ANK1: variants seen among roughly 807,000 people sequenced by gnomAD.
The protein encoded by ANK1 is ankyrin-1.
Under a neutral mutation model 210.4 loss-of-function variants are expected in ANK1, and 51 were observed. The observed-to-expected ratio is 0.24, with a 90% CI of 0.19 to 0.31. The LOEUF (loss-of-function observed/expected upper bound fraction) is 0.31, where lower values mean the gene tolerates loss of function less well. Among genes scored for constraint, ANK1 ranks in the 10% least tolerant of loss-of-function variants. The pLI, the probability that ANK1 is intolerant of heterozygous loss-of-function variation, is 1.00. For synonymous variants in ANK1, 967 were observed against 1,025.9 expected (o/e 0.94, Z 1.10); for missense variants, 2,051 against 2,504.4 (o/e 0.82, Z 3.86).
chr8:41,717,108 C>A, intron 12 of ANK1, 57 bp from the exon 13 acceptor site: 3 of 1,586,010 alleles, frequency 1.9e-6, no homozygotes, highest in Non-Finnish European at 2.6e-6. Flanking sequence ...CAAAACGGCA[C>A]ACACAGAGCT....
intron 9 of ANK1, among the ~76,000 whole-genome samples, chr8:41,721,408 G>A (rs1272761539): frequency 2.0e-5 from 3 of 152,092 alleles, no homozygotes; most frequent in Non-Finnish European, 2.9e-5. Context: ...TGTAATTCCC[G>A]CACTTTGGGA....
intron 2 of ANK1, among the ~76,000 whole-genome samples, chr8:41,757,413 T>A (rs775801470): frequency 4.6e-5 from 7 of 152,054 alleles, no homozygotes; most frequent in Non-Finnish European, 8.8e-5. Flanking sequence ...CCTCTCTATT[T>A]AGTTAGTTCC....
At chr8:41,703,944 C>T (rs2150611677) in intron 20 of ANK1, 97 bp downstream of exon 20, 1 of 1,195,720 alleles carries the variant, frequency 8.4e-7, no homozygotes, top group South Asian at 1.2e-5. Flanking sequence ...CGTCCAGGCC[C>T]TAGACACGTG....
intron 1 of ANK1, chr8:41,828,209 A>T (rs1012438449): frequency 1.6e-4 from 25 of 152,398 alleles, no homozygotes; most frequent in African/African-American, 6.0e-4. Flanking sequence ...TGCGAGCTAG[A>T]GGAGGAAGCA....
At chr8:41,769,436 T>C (rs489429) in intron 1 of ANK1, among the ~76,000 whole-genome samples, 14,872 of 152,236 alleles carry the variant, frequency 0.098, 1,004 homozygotes, top group Middle Eastern at 0.15. Context: ...TACTGGAACA[T>C]CCCTGATCAC....
chr8:41,892,888 T>C (rs1016279674), intron 1 of ANK1, among the ~76,000 whole-genome samples: 2 of 152,144 alleles, frequency 1.3e-5, no homozygotes, highest in Non-Finnish European at 2.9e-5. Flanking sequence ...GAATAGGACA[T>C]GGTCTTTTCT....
At chr8:41,855,020 C>T (rs182609463) in intron 1 of ANK1, among the ~76,000 whole-genome samples, 1 of 151,934 alleles carries the variant, frequency 6.6e-6, no homozygotes, top group Non-Finnish European at 1.5e-5. Context: ...ATCTGCATTT[C>T]CCAAGATTCC....
At chr8:41,823,604 A>G (rs1009563366) in intron 1 of ANK1, among the ~76,000 whole-genome samples, 4 of 147,260 alleles carry the variant, frequency 2.7e-5, no homozygotes, top group African/African-American at 5.0e-5. Context: ...ACAAAAACTG[A>G]AAAAAAAAAA....
intron 1 of ANK1, among the ~76,000 whole-genome samples, chr8:41,795,573 G>A (rs977768429): frequency 4.0e-5 from 6 of 151,850 alleles, no homozygotes; most frequent in African/African-American, 1.5e-4. Flanking sequence ...CTTGAGCCAC[G>A]AAAAAGAATG....
chr8:41,727,866 T>A (rs2304872), intron 4 of ANK1, 42 bp downstream of exon 4: 1 of 1,600,380 alleles, frequency 6.2e-7, no homozygotes, highest in Non-Finnish European at 8.6e-7. Context: ...GAACCACCTG[T>A]GGAAAGGCAA....
chr8:41,864,736 C>T (rs556697807), intron 1 of ANK1, among the ~76,000 whole-genome samples: 42 of 152,284 alleles, frequency 2.8e-4, no homozygotes, highest in South Asian at 1.9e-3. Context: ...CCAACCTAAC[C>T]GTCGTCACTC....
Position 41,674,683 on chromosome 8 carries a change from T to C in ANK1, c.4538-1771A>G, listed in dbSNP as rs1813599462. The stretch of plus-strand genomic sequence containing the variant: ...GCCATGCTGTGTACTCCGCATGCAT[T>C]CTCTTAATCTCCCAGGGAAGTTTTC... On this transcript the variant is annotated intron_variant, in intron 37 of 42. Coordinates refer to ENST00000289734, the MANE Select transcript of ANK1 (RefSeq NM_000037.4). Among the ~76,000 whole-genome samples, 4 of 152,214 alleles carry C rather than the reference T, an allele frequency of 2.6e-5. No homozygotes were observed. In the South Asian group the frequency reaches 8.3e-4, roughly 32 times the overall value.
In ANK1 at chr8:41,734,059, T is replaced by C; in HGVS notation, c.140A>G (p.Asn47Ser). 1 of 1,614,062 alleles carries C rather than the reference T, an allele frequency of 6.2e-7. No individual in the cohort carries two copies. Among genetic ancestry groups the C allele is most frequent in the Non-Finnish European group, 8.5e-7 (1 of 1,179,898 alleles). ...TTCCTTAGAAGCCAGATGCAAGCCATTCAACCCATTCTGTAAAGAGCAGAG... is the reference window on the plus strand; with the variant it reads ...TTCCTTAGAAGCCAGATGCAAGCCACTCAACCCATTCTGTAAAGAGCAGAG... ...DINTCNQNGLNGLHLASKEGH... is the reference protein window; with the variant it reads ...DINTCNQNGLSGLHLASKEGH... The change falls in exon 3 of 43, where the codon AAT becomes AGT. Residue 47 changes from asparagine (N) to serine (S), a missense_variant. This residue lies in a region of ANK1 where 72 missense variants were observed against 133.5 expected (regional missense o/e 0.54). Transcript: ENST00000289734.
At chr8:41,776,383 CA>C (rs1267514944) in intron 1 of ANK1, among the ~76,000 whole-genome samples, 1 of 152,074 alleles carries the variant, frequency 6.6e-6, no homozygotes, top group Non-Finnish European at 1.5e-5. Flanking sequence ...TTCCAAGAGC[CA>C]TGGAGAAATG....
intron 1 of ANK1, among the ~76,000 whole-genome samples, chr8:41,786,827 G>A (rs1399580755): frequency 6.6e-6 from 1 of 152,210 alleles, no homozygotes; most frequent in Non-Finnish European, 1.5e-5. Flanking sequence ...TCCTACAGAT[G>A]CTTTTTAACC....
intron 20 of ANK1, among the ~76,000 whole-genome samples, chr8:41,703,217 G>C (rs750566784): frequency 2.6e-5 from 4 of 151,656 alleles, no homozygotes; most frequent in Non-Finnish European, 5.9e-5. Context: ...AGCTCACACC[G>C]AACGATGATT....
At chr8:41,883,674 G>T (rs1408269398) in intron 1 of ANK1, among the ~76,000 whole-genome samples, 2 of 152,102 alleles carry the variant, frequency 1.3e-5, no homozygotes, top group Non-Finnish European at 2.9e-5. Flanking sequence ...GGCCCAGGCT[G>T]GTCTTGAACT....
chr8:41,757,932 G>T, intron 2 of ANK1, 104 bp downstream of exon 2: 1 of 1,066,056 alleles, frequency 9.4e-7, no homozygotes, highest in Non-Finnish European at 1.4e-6. Context: ...GAGTTTTGAG[G>T]CCACTGAGAA....
rs58196949 is a variant in ANK1, at chr8:41,703,450, A to ATTTTT, written c.2295+586_2295+590dup. 6.2e-3 allele frequency among the ~76,000 whole-genome samples: 363 copies of ATTTTT among 58,806 alleles called. 22 individuals are homozygous for ATTTTT. Among genetic ancestry groups the ATTTTT allele is most frequent in the African/African-American group, 0.03 (331 of 11,062 alleles). The allele number at this position is 58,806 out of a possible 152,430, so 38.6% of individuals were successfully genotyped here. ...TATATATATATATATATATATATAT[A>ATTTTT]TTTTTTTTTTTTTTTTAAGACACAA... On this transcript the variant is annotated intron_variant, in intron 20 of 42. Transcript: ENST00000289734.
Sources: allele counts gnomAD v4.1 joint callset (sites outside exome capture counted in the v4.1 genomes callset), GRCh38; gene constraint gnomAD v4.1.1; regional missense constraint gnomAD v4.1.1; transcripts MANE v1.5; gene names NCBI Gene and HGNC (gene_info 2026-07-23, HGNC 2026-07-21).